MAGI1: variants seen among roughly 807,000 people sequenced by gnomAD.
MAGI1 encodes the protein membrane-associated guanylate kinase, WW and PDZ domain-containing protein 1.
MAGI1 carries 58 observed loss-of-function variants against 139.9 expected under a neutral mutation model. The observed-to-expected ratio is 0.41, with a 90% CI of 0.34 to 0.52. The LOEUF (loss-of-function observed/expected upper bound fraction) is 0.52, where lower values mean the gene tolerates loss of function less well. Among genes scored for constraint, MAGI1 ranks in the 20% least tolerant of loss-of-function variants. The pLI is 0.12. For synonymous variants in MAGI1, 812 were observed against 737.9 expected, an observed-to-expected ratio of 1.10 and a Z score of -1.63; for missense variants, 1,874 against 1,901.6, an observed-to-expected ratio of 0.99 and a Z score of 0.27.
At chr3:65,914,148 C>T (rs2061789865) in intron 1 of MAGI1, 1 of 152,182 alleles carries the variant, frequency 6.6e-6, no homozygotes, top group African/African-American at 2.4e-5. Flanking sequence ...AAACATCAGC[C>T]TTCAAGAGAT....
chr3:65,584,043 C>T (rs1011301440), intron 2 of MAGI1, among the ~76,000 whole-genome samples: 1 of 139,072 alleles, frequency 7.2e-6, no homozygotes, highest in Non-Finnish European at 1.5e-5. Context: ...CTGACATTCT[C>T]TACCCCTATT....
intron 1 of MAGI1, among the ~76,000 whole-genome samples, chr3:65,738,748 G>T (rs2035003517): frequency 6.6e-6 from 1 of 152,182 alleles, no homozygotes; most frequent in African/African-American, 2.4e-5. Flanking sequence ...ATGAGTAGCA[G>T]TAACAATACA....
chr3:65,850,818 T>C (rs1371106593), intron 1 of MAGI1, among the ~76,000 whole-genome samples: 1 of 152,142 alleles, frequency 6.6e-6, no homozygotes, highest in Non-Finnish European at 1.5e-5. Flanking sequence ...TTTAAAAATA[T>C]GCCTCAAGCA....
intron 2 of MAGI1, among the ~76,000 whole-genome samples, chr3:65,559,833 G>A (rs980663811): frequency 2.0e-5 from 3 of 152,070 alleles, no homozygotes; most frequent in African/African-American, 4.8e-5. Context: ...TGAAGACTTC[G>A]ACACCAGCCT....
chr3:65,767,353 C>G (rs1474045318), intron 1 of MAGI1, among the ~76,000 whole-genome samples: 1 of 151,804 alleles, frequency 6.6e-6, no homozygotes, highest in East Asian at 1.9e-4. Flanking sequence ...GCCTGTAATC[C>G]CAGCACTTTG....
intron 1 of MAGI1, among the ~76,000 whole-genome samples, chr3:65,861,941 G>T (rs2059569844): frequency 6.6e-6 from 1 of 152,270 alleles, no homozygotes; most frequent in African/African-American, 2.4e-5. Context: ...GGCAGATCTG[G>T]AACAACCGGT....
intron 1 of MAGI1, among the ~76,000 whole-genome samples, chr3:65,671,215 CG>C (rs1223937203): frequency 1.3e-5 from 2 of 152,108 alleles, no homozygotes; most frequent in Non-Finnish European, 2.9e-5. Context: ...AAATTTGAAC[CG>C]GGATTTGGCA....
At chr3:65,851,259 G>A (rs1335031628) in intron 1 of MAGI1, among the ~76,000 whole-genome samples, 5 of 152,108 alleles carry the variant, frequency 3.3e-5, no homozygotes, top group Non-Finnish European at 5.9e-5. Flanking sequence ...GATTGTTGAC[G>A]CTATCAAAGA....
At chr3:65,845,727 A>G (rs1015444577) in intron 1 of MAGI1, among the ~76,000 whole-genome samples, 4 of 152,132 alleles carry the variant, frequency 2.6e-5, no homozygotes, top group African/African-American at 9.7e-5. Flanking sequence ...GGCAGCTCTT[A>G]GCTCTTCCTC....
In MAGI1 at chr3:65,472,676, C is replaced by T. The variant is rs1159398548; in HGVS notation, c.758-2192G>A. Among the ~76,000 whole-genome samples the T allele has an allele frequency of 5.9e-5, 9 of 152,150 alleles. No homozygotes were observed. The East Asian group carries it at 1.7e-3, about 29-fold the overall frequency. On this transcript the variant is annotated intron_variant, in intron 4 of 22. Transcript: ENST00000402939. Reference sequence around the variant, plus strand: ...TGCAGTCTCTGGCTACACACTCCTCCGTGCACCAGTGCCAGGCCAGAGATG... The same window carrying T: ...TGCAGTCTCTGGCTACACACTCCTCTGTGCACCAGTGCCAGGCCAGAGATG...
At chr3:65,623,905 G>A (rs541578203) in intron 1 of MAGI1, among the ~76,000 whole-genome samples, 12 of 152,134 alleles carry the variant, frequency 7.9e-5, no homozygotes, top group African/African-American at 2.9e-4. Context: ...CATTCATCAA[G>A]TATTTACTGA....
chr3:65,610,794 AG>A (rs2083027341), intron 2 of MAGI1, among the ~76,000 whole-genome samples: 1 of 140,336 alleles, frequency 7.1e-6, no homozygotes, highest in African/African-American at 2.6e-5. Flanking sequence ...TAGTATATAT[AG>A]TATATATAGG....
At chr3:65,614,497 G>T (rs753273910) in intron 2 of MAGI1, among the ~76,000 whole-genome samples, 1 of 152,106 alleles carries the variant, frequency 6.6e-6, no homozygotes, top group East Asian at 1.9e-4. Context: ...AGGAAATAAT[G>T]TAAGTAATGT....
chr3:65,885,015 A>G (rs902209084), intron 1 of MAGI1, among the ~76,000 whole-genome samples: 5 of 152,202 alleles, frequency 3.3e-5, no homozygotes, highest in African/African-American at 1.2e-4. Context: ...ATTGTTTATG[A>G]AAGCACTTCA....
chr3:65,452,372 T>C (rs1471347928), intron 6 of MAGI1, among the ~76,000 whole-genome samples: 3 of 152,200 alleles, frequency 2.0e-5, no homozygotes, highest in Non-Finnish European at 4.4e-5. Context: ...TTCTGCACTA[T>C]AGGACGAATA....
chr3:65,642,193 C>G (rs1335891772), intron 1 of MAGI1, among the ~76,000 whole-genome samples: 1 of 152,120 alleles, frequency 6.6e-6, no homozygotes, highest in Non-Finnish European at 1.5e-5. Context: ...GTAATTATCT[C>G]GTTGATGGAT....
intron 1 of MAGI1, among the ~76,000 whole-genome samples, chr3:65,957,638 G>A (rs768143713): frequency 3.3e-5 from 5 of 152,064 alleles, no homozygotes; most frequent in African/African-American, 1.2e-4. Flanking sequence ...TCCATACTGA[G>A]TGAATCTATC....
At chr3:65,645,317 T>C (rs1437834232) in intron 1 of MAGI1, among the ~76,000 whole-genome samples, 1 of 152,014 alleles carries the variant, frequency 6.6e-6, no homozygotes, top group Admixed American at 6.6e-5. Context: ...AAATACTACC[T>C]TACATAGAAA....
chr3:65,906,750 G>C (rs1006943422), intron 1 of MAGI1, among the ~76,000 whole-genome samples: 4 of 151,906 alleles, frequency 2.6e-5, no homozygotes, highest in Non-Finnish European at 4.4e-5. Flanking sequence ...AGTGGGCGTG[G>C]TGGTGGGCAC....
Sources: allele counts gnomAD v4.1 joint callset (sites outside exome capture counted in the v4.1 genomes callset), GRCh38; gene constraint gnomAD v4.1.1; transcripts MANE v1.5; gene names NCBI Gene and HGNC (gene_info 2026-07-23, HGNC 2026-07-21).